The following TANGO6 variants were observed in gnomAD, a reference collection of about 807,000 sequenced individuals.
TANGO6 encodes transport and golgi organization 6 homolog.
Under a neutral mutation model 114.2 loss-of-function variants are expected in TANGO6, and 90 were observed. That is an observed-to-expected ratio of 0.79 (90% CI 0.66 to 0.94). TANGO6 has a LOEUF of 0.94. TANGO6 is among the 40% of genes least tolerant of loss of function. The pLI, the probability that TANGO6 is intolerant of heterozygous loss-of-function variation, is 0.00. For synonymous variants in TANGO6, 477 were observed against 509.8 expected (o/e 0.94, Z 0.87); for missense variants, 1,274 against 1,315.3 (o/e 0.97, Z 0.49).
intron 17 of TANGO6, among the ~76,000 whole-genome samples, chr16:69,068,348 A>G (rs1960249114): frequency 6.6e-6 from 1 of 152,150 alleles, no homozygotes; most frequent in African/African-American, 2.4e-5. Context: ...GGTACAGTAT[A>G]GTGATTAATA....
intron 14 of TANGO6, among the ~76,000 whole-genome samples, chr16:68,957,020 T>C (rs927970144): frequency 2.6e-5 from 4 of 152,156 alleles, no homozygotes; most frequent in African/African-American, 9.7e-5. Flanking sequence ...CTTGCAGAAA[T>C]GAAAGCATAT....
At chr16:68,941,448 T>A (rs1463925844) in intron 14 of TANGO6, among the ~76,000 whole-genome samples, 1 of 152,070 alleles carries the variant, frequency 6.6e-6, no homozygotes, top group Non-Finnish European at 1.5e-5. Context: ...GTCTGTTGAT[T>A]TTAAAGTTAT....
At chr16:68,980,403 CTCTCTCTA>C (rs1207551078) in intron 15 of TANGO6, among the ~76,000 whole-genome samples, 2 of 67,724 alleles carry the variant, frequency 3.0e-5, no homozygotes, top group East Asian at 3.5e-4. Flanking sequence ...CTCTCTCTCT[CTCTCTCTA>C]TATATATATA....
intron 15 of TANGO6, among the ~76,000 whole-genome samples, chr16:68,986,950 A>G (rs1166310796): frequency 1.3e-5 from 2 of 152,156 alleles, no homozygotes; most frequent in East Asian, 1.9e-4. Flanking sequence ...GCTCTGACAG[A>G]TACCTTCTTC....
At chr16:68,944,033 G>T (rs1343994419) in intron 14 of TANGO6, among the ~76,000 whole-genome samples, 1 of 152,116 alleles carries the variant, frequency 6.6e-6, no homozygotes. Flanking sequence ...TTGAGTCCGG[G>T]TTGGGTTTGG....
chr16:69,025,746 A>G (rs974086443), intron 16 of TANGO6: 1 of 152,436 alleles, frequency 6.6e-6, no homozygotes, highest in Non-Finnish European at 1.4e-5. Context: ...CACTGGGATT[A>G]TAGGCATCAG....
chr16:69,043,290 G>A (rs1449786731), intron 17 of TANGO6, among the ~76,000 whole-genome samples: 1 of 79,244 alleles, frequency 1.3e-5, no homozygotes, highest in Non-Finnish European at 3.2e-5. Context: ...GCGAGTGTGT[G>A]TGTGTGTGTG....
intron 15 of TANGO6, among the ~76,000 whole-genome samples, chr16:68,993,861 C>T (rs914581934): frequency 2.0e-5 from 3 of 152,106 alleles, no homozygotes; most frequent in Non-Finnish European, 4.4e-5. Flanking sequence ...AGAATTTTTC[C>T]TTCCTGATTA....
chr16:69,063,900 G>C (rs1245905180), intron 17 of TANGO6, among the ~76,000 whole-genome samples: 1 of 150,844 alleles, frequency 6.6e-6, no homozygotes, highest in Non-Finnish European at 1.5e-5. Flanking sequence ...GCAATGGCAC[G>C]ATCTCAACTA....
In TANGO6 at chr16:68,959,382, T is replaced by C. The variant is rs544717938; in HGVS notation, c.2702-14646T>C. Among the ~76,000 whole-genome samples the C allele has an allele frequency of 2.0e-5, 3 of 151,750 alleles. No individual in the cohort carries two copies. The South Asian group carries it at 6.2e-4, about 32-fold the overall frequency. ...GGTGGGTGGATCATGAGGTCAGGAG[T>C]TCGAGACCAGCCTGACCAACATGGT... On this transcript the variant is annotated intron_variant, in intron 14 of 17. Coordinates refer to ENST00000261778, the MANE Select transcript of TANGO6 (RefSeq NM_024562.2).
At chr16:69,023,046 G>A (rs1410597674) in intron 16 of TANGO6, 67 bp downstream of exon 16, 2 of 1,448,410 alleles carry the variant, frequency 1.4e-6, no homozygotes, top group Non-Finnish European at 1.8e-6. Flanking sequence ...TCTTGAGATT[G>A]GGAGTCAGGA....
intron 15 of TANGO6, among the ~76,000 whole-genome samples, chr16:69,013,663 T>G (rs1959233431): frequency 6.6e-6 from 1 of 150,676 alleles, no homozygotes; most frequent in Admixed American, 6.6e-5. Flanking sequence ...CCTTTTTTTT[T>G]TTTTTTTTTC....
At chr16:68,878,309 T>G in intron 6 of TANGO6, 29 bp downstream of exon 6, 1 of 1,569,716 alleles carries the variant, frequency 6.4e-7, no homozygotes, top group Non-Finnish European at 8.6e-7. Flanking sequence ...TGGCTGTGTG[T>G]GCCTCTAAAG....
intron 16 of TANGO6, among the ~76,000 whole-genome samples, chr16:69,028,871 A>AG (rs200278209): frequency 0.011 from 1,710 of 149,552 alleles, 35 homozygotes; most frequent in African/African-American, 0.04. Context: ...AAAAAAAAAA[A>AG]AAAGAAAAAG....
At position 69,047,142 on chromosome 16, in the gene TANGO6, C is replaced by G. The variant is rs191335051; in HGVS notation, c.3108+6721C>G. Among the ~76,000 whole-genome samples, 12 of 142,822 alleles carry G rather than the reference C, an allele frequency of 8.4e-5. No homozygotes were observed. The East Asian group carries it at 2.5e-3, about 30-fold the overall frequency. The allele number at this position is 142,822 out of a possible 152,430, so 93.7% of individuals were successfully genotyped here. ...GCTGCAGTGAGCCGAGATTGTGCAA[C>G]TGCACTCCAGCCTGGGCAACAGAGT... On this transcript the variant is annotated intron_variant, in intron 17 of 17. Transcript: ENST00000261778.
At chr16:68,933,284 G>T (rs1486090978) in intron 14 of TANGO6, among the ~76,000 whole-genome samples, 1 of 152,156 alleles carries the variant, frequency 6.6e-6, no homozygotes, top group Non-Finnish European at 1.5e-5. Flanking sequence ...GCATGGTGGT[G>T]TGTGCCTGTA....
At chr16:69,073,100 T>C (rs1420321859) in intron 17 of TANGO6, among the ~76,000 whole-genome samples, 1 of 151,546 alleles carries the variant, frequency 6.6e-6, no homozygotes, top group Admixed American at 6.6e-5. Context: ...TTTCTATATA[T>C]AGAGATGCTT....
At chr16:69,032,697 T>G (rs966547120) in intron 16 of TANGO6, among the ~76,000 whole-genome samples, 3 of 151,838 alleles carry the variant, frequency 2.0e-5, no homozygotes, top group Non-Finnish European at 4.4e-5. Context: ...GCCAAGATGG[T>G]GAAACCCCGT....
At chr16:69,008,477 C>T (rs962502424) in intron 15 of TANGO6, among the ~76,000 whole-genome samples, 9 of 152,112 alleles carry the variant, frequency 5.9e-5, no homozygotes, top group African/African-American at 1.9e-4. Flanking sequence ...GAACTCTGGG[C>T]CTCAAGCAAT....
Sources: gnomAD v4.1 joint callset for allele counts (sites outside exome capture counted in the v4.1 genomes callset) on GRCh38, gnomAD v4.1.1 for gene constraint, MANE v1.5 for transcripts, NCBI Gene and HGNC (gene_info 2026-07-23, HGNC 2026-07-21) for gene names.